The following KDM4C variants were observed in gnomAD, a reference collection of about 807,000 sequenced individuals.
KDM4C encodes the protein lysine-specific demethylase 4C.
Under a neutral mutation model 129.3 loss-of-function variants are expected in KDM4C, and 81 were observed. The observed-to-expected ratio is 0.63, with a 90% CI of 0.52 to 0.75. The LOEUF is 0.75. KDM4C is among the 30% of genes least tolerant of loss of function. The pLI is 0.00. For synonymous variants in KDM4C, 573 were observed against 456.1 expected (o/e 1.26, Z -3.26); for missense variants, 1,457 against 1,304.0 (o/e 1.12, Z -1.81).
chr9:6,728,059 G>A (rs1817196759), intron 1 of KDM4C, among the ~76,000 whole-genome samples: 1 of 63,242 alleles, frequency 1.6e-5, no homozygotes, highest in African/African-American at 7.2e-5. Context: ...AACCAACCAT[G>A]AAGCTGCAAA....
chr9:6,908,636 C>T (rs1818749480), intron 8 of KDM4C, among the ~76,000 whole-genome samples: 1 of 151,508 alleles, frequency 6.6e-6, no homozygotes, highest in Non-Finnish European at 1.5e-5. Flanking sequence ...GTCTTTGTAG[C>T]ACTGACTTAG....
intron 18 of KDM4C, among the ~76,000 whole-genome samples, chr9:7,106,763 G>A (rs887083224): frequency 5.3e-5 from 8 of 151,942 alleles, no homozygotes; most frequent in South Asian, 2.1e-4. Context: ...CCAAAGTGCC[G>A]GAGTTGTAGG....
chr9:6,772,813 C>G lies in KDM4C; in HGVS notation c.-18+14610C>G, dbSNP rs927216932. Among the ~76,000 whole-genome samples the G allele has an allele frequency of 3.3e-5, 5 of 151,518 alleles. 1 individual carries two copies. The South Asian group carries it at 8.3e-4, about 25-fold the overall frequency. On this transcript the variant is annotated intron_variant, in intron 1 of 21. Transcript: ENST00000381309. ...ATTCAAGCAGTTCTCCTGCCTCAGC[C>G]TCCTGAGTAGCTGGGATTACAGGTG...
At chr9:7,168,030 A>G (rs1220027477) in intron 20 of KDM4C, among the ~76,000 whole-genome samples, 1 of 152,128 alleles carries the variant, frequency 6.6e-6, no homozygotes, top group Non-Finnish European at 1.5e-5. Flanking sequence ...AAAAAAATGT[A>G]TAAAAATTAG....
At chr9:7,138,141 G>A (rs1841398911) in intron 19 of KDM4C, among the ~76,000 whole-genome samples, 1 of 152,294 alleles carries the variant, frequency 6.6e-6, no homozygotes, top group African/African-American at 2.4e-5. Context: ...AGAAGAAAAG[G>A]CAGAGAGAAT....
At chr9:7,015,422 T>C (rs1332421365) in intron 14 of KDM4C, among the ~76,000 whole-genome samples, 1 of 152,150 alleles carries the variant, frequency 6.6e-6, no homozygotes, top group East Asian at 1.9e-4. Flanking sequence ...CATTGCTAAC[T>C]CTGAATTTGC....
intron 5 of KDM4C, among the ~76,000 whole-genome samples, chr9:6,868,089 T>C (rs1291333945): frequency 6.6e-6 from 1 of 152,052 alleles, no homozygotes; most frequent in East Asian, 1.9e-4. Context: ...GGATGAAATG[T>C]GTGGTGAGAA....
At chr9:6,766,455 C>T (rs924474481) in intron 1 of KDM4C, among the ~76,000 whole-genome samples, 2 of 151,684 alleles carry the variant, frequency 1.3e-5, no homozygotes, top group African/African-American at 2.4e-5. Context: ...GGACAGTTGG[C>T]CCCCTTTAGT....
chr9:7,013,341 T>A (rs1273384329), intron 13 of KDM4C, among the ~76,000 whole-genome samples: 3 of 152,232 alleles, frequency 2.0e-5, no homozygotes, highest in Admixed American at 6.5e-5. Flanking sequence ...TTTCAAATAC[T>A]GCAAGTGATG....
chr9:6,803,375 A>G (rs1034708081), intron 2 of KDM4C, among the ~76,000 whole-genome samples: 1 of 152,100 alleles, frequency 6.6e-6, no homozygotes, highest in African/African-American at 2.4e-5. Context: ...GATCGAGACC[A>G]TCCTGGCCAA....
rs759517250 is a variant in KDM4C at position 6,986,443 on chromosome 9, A to C, written c.1454A>C (p.Asp485Ala). ...GTACCTTCTATATCCAGTGAGGCTG[A>C]TGATTCCATTCCATTGTCTAGTGGC... ...RSVPSISSEA[D>A]DSIPLSSGYE... The change falls in exon 11 of 22, where the codon GAT becomes GCT. Residue 485 changes from aspartate to alanine, a missense_variant. Coordinates refer to ENST00000381309, the MANE Select transcript of KDM4C (RefSeq NM_015061.6). The C allele has an allele frequency of 1.2e-6, 2 of 1,614,012 alleles. No homozygotes were observed. Among genetic ancestry groups the C allele is most frequent in the Non-Finnish European group, 1.7e-6 (2 of 1,179,976 alleles).
At chr9:6,864,188 T>A (rs1427410747) in intron 5 of KDM4C, among the ~76,000 whole-genome samples, 3 of 152,200 alleles carry the variant, frequency 2.0e-5, no homozygotes, top group Admixed American at 6.5e-5. Context: ...AAGATGGGTC[T>A]GGTGATGGCA....
At chr9:6,929,106 A>G (rs1823179296) in intron 8 of KDM4C, among the ~76,000 whole-genome samples, 1 of 152,162 alleles carries the variant, frequency 6.6e-6, no homozygotes, top group Non-Finnish European at 1.5e-5. Context: ...TTTTGTGAAG[A>G]TTTATCTCCT....
chr9:7,146,539 A>G (rs1044534214), intron 19 of KDM4C, among the ~76,000 whole-genome samples: 1 of 152,204 alleles, frequency 6.6e-6, no homozygotes, highest in East Asian at 1.9e-4. Flanking sequence ...TCTGCTTTAC[A>G]CTGTTATTCC....
At chr9:6,752,290 G>A (rs1386295036) in intron 1 of KDM4C, among the ~76,000 whole-genome samples, 3 of 112,118 alleles carry the variant, frequency 2.7e-5, no homozygotes, top group East Asian at 3.1e-4. Flanking sequence ...TCGAGATCGC[G>A]CCACTGCACT....
intron 21 of KDM4C, among the ~76,000 whole-genome samples, chr9:7,172,139 A>G (rs139164535): frequency 1.3e-5 from 2 of 152,252 alleles, no homozygotes; most frequent in East Asian, 3.9e-4. Flanking sequence ...AAGATGTTTT[A>G]TGGTTAGAAA....
At chr9:7,147,382 A>G (rs995196141) in intron 19 of KDM4C, among the ~76,000 whole-genome samples, 2 of 152,126 alleles carry the variant, frequency 1.3e-5, no homozygotes, top group African/African-American at 2.4e-5. Context: ...CTGCGTGCCT[A>G]TCCTTAGCTT....
intron 17 of KDM4C, among the ~76,000 whole-genome samples, chr9:7,101,094 G>GAT (rs1837031685): frequency 6.6e-6 from 1 of 152,136 alleles, no homozygotes. Context: ...GATTGATCTT[G>GAT]ATCCAGTTCG....
At position 6,834,959 on chromosome 9, in the gene KDM4C, T is replaced by TATGCCCTCCCCCACACC. The variant is rs1835604632; in HGVS notation, c.436-14545_436-14529dup. ...CCACAGTGTGCCCATCTGCGAGGGA[T>TATGCCCTCCCCCACACC]ATGCCCTCCCCCACACCATCCTGCA... is the stretch of plus-strand genomic sequence containing the variant. On this transcript the variant is annotated intron_variant, in intron 4 of 21. Coordinates refer to ENST00000381309, the MANE Select transcript of KDM4C (RefSeq NM_015061.6). 2.9e-6 allele frequency: 3 copies of TATGCCCTCCCCCACACC among 1,024,000 alleles called. No homozygotes were observed. In the South Asian group the frequency reaches 3.8e-5, roughly 13 times the overall value. The allele number at this position is 1,024,000 out of a possible 1,614,324, so 63.4% of individuals were successfully genotyped here.
Sources: allele counts gnomAD v4.1 joint callset (sites outside exome capture counted in the v4.1 genomes callset), GRCh38; gene constraint gnomAD v4.1.1; transcripts MANE v1.5; gene names NCBI Gene and HGNC (gene_info 2026-07-23, HGNC 2026-07-21).